Variants in PUDP observed in about 807,000 individuals in gnomAD.
PUDP encodes pseudouridine-5'-phosphatase.
In PUDP, 8 loss-of-function variants were observed where a neutral mutation model predicts 9.4. The observed-to-expected ratio is 0.85, with a 90% confidence interval of 0.50 to 1.53. PUDP has a LOEUF of 1.53. PUDP is among the 40% of genes most tolerant of loss of function. PUDP has a pLI of 0.00. For synonymous variants in PUDP, 99 were observed against 80.7 expected (o/e 1.23, Z -1.22); for missense variants, 188 against 189.7 (o/e 0.99, Z 0.05).
chrX:7,102,568 G>T (rs965693682), intron 2 of PUDP, among the ~76,000 whole-genome samples: 1 of 110,418 alleles, frequency 9.1e-6, no homozygotes, highest in Non-Finnish European at 1.9e-5. Flanking sequence ...TATAATAATG[G>T]AAGTCTCAGC....
intron 3 of PUDP, among the ~76,000 whole-genome samples, chrX:6,770,582 T>C (rs11798017): frequency 0.18 from 19,760 of 110,625 alleles, 1,802 homozygotes; most frequent in African/African-American, 0.34. Context: ...ATCACACAGC[T>C]GCACATTCTC....
chrX:6,940,001 C>T (rs960911631), intron 3 of PUDP, among the ~76,000 whole-genome samples: 7 of 112,894 alleles, frequency 6.2e-5, no homozygotes, highest in African/African-American at 2.2e-4. Flanking sequence ...TTTCTGTTGG[C>T]ATCATTCCTT....
At chrX:7,055,394 G>A (rs1930211485) in intron 3 of PUDP, among the ~76,000 whole-genome samples, 1 of 110,669 alleles carries the variant, frequency 9.0e-6, no homozygotes, top group Non-Finnish European at 1.9e-5. Context: ...TGGGATTACA[G>A]GCATGCACCA....
At chrX:7,117,157 C>A in intron 1 of PUDP, 1 of 982,888 alleles carries the variant, frequency 1.0e-6, no homozygotes, top group Admixed American at 3.2e-5. Context: ...CGTGTTGCTA[C>A]AAGGATACCT....
intron 3 of PUDP, among the ~76,000 whole-genome samples, chrX:6,921,716 CCT>C (rs1424921089): frequency 9.1e-6 from 1 of 109,830 alleles, no homozygotes; most frequent in Non-Finnish European, 1.9e-5. Flanking sequence ...ATTTTTCTAC[CCT>C]CTCTGCCGAC....
intron 2 of PUDP, among the ~76,000 whole-genome samples, chrX:7,093,333 T>G (rs1285951499): frequency 1.8e-5 from 2 of 112,226 alleles, no homozygotes; most frequent in Non-Finnish European, 3.8e-5. Flanking sequence ...CAACTTTCCA[T>G]GCCCAAGTAA....
intron 1 of PUDP, among the ~76,000 whole-genome samples, chrX:7,135,179 T>A (rs1268289045): frequency 9.0e-6 from 1 of 111,530 alleles, no homozygotes; most frequent in South Asian, 3.8e-4. Flanking sequence ...ACAGACCCAG[T>A]AGGCAGAAGT....
intron 3 of PUDP, among the ~76,000 whole-genome samples, chrX:6,858,419 C>T (rs1188939287): frequency 1.9e-5 from 2 of 103,542 alleles, no homozygotes; most frequent in Non-Finnish European, 3.9e-5. Flanking sequence ...AGCCTCGAAT[C>T]TCTGGGCTCA....
chrX:6,969,402 T>A (rs980957671), intron 3 of PUDP, among the ~76,000 whole-genome samples: 5 of 111,654 alleles, frequency 4.5e-5, no homozygotes, highest in African/African-American at 1.6e-4. Flanking sequence ...TGTGAAGAAA[T>A]GTTCCCACAT....
At chrX:6,815,172 T>TG (rs1555911571) in intron 3 of PUDP, among the ~76,000 whole-genome samples, 44 of 75,285 alleles carry the variant, frequency 5.8e-4, no homozygotes, top group African/African-American at 2.4e-3. Context: ...TTATTGAAAA[T>TG]GAAAAAAAAA....
intron 3 of PUDP, among the ~76,000 whole-genome samples, chrX:7,069,932 T>C (rs1930677523): frequency 8.9e-6 from 1 of 112,679 alleles, no homozygotes. Flanking sequence ...TGTGTCCTTC[T>C]GCCTCTCTCC....
At chrX:6,860,481 T>G (rs1166549073) in intron 3 of PUDP, among the ~76,000 whole-genome samples, 4 of 104,873 alleles carry the variant, frequency 3.8e-5, no homozygotes, top group African/African-American at 1.4e-4. Flanking sequence ...TTTTGTTTTT[T>G]GTTTTTTGAG....
chrX:6,939,369 TTAA>T (rs1242582708), intron 3 of PUDP, among the ~76,000 whole-genome samples: 1 of 106,734 alleles, frequency 9.4e-6, no homozygotes, highest in Non-Finnish European at 1.9e-5. Context: ...TAATGCTATA[TTAA>T]TATTATTAAT....
At chrX:6,916,248 A>C (rs191136671) in intron 3 of PUDP, among the ~76,000 whole-genome samples, 1,793 of 80,524 alleles carry the variant, frequency 0.022, 39 homozygotes, top group African/African-American at 0.083. Context: ...ACACACACAC[A>C]CCCTGGGGAA....
intron 2 of PUDP, among the ~76,000 whole-genome samples, chrX:7,080,833 C>T (rs5978244): frequency 0.33 from 35,350 of 106,358 alleles, 4,689 homozygotes; most frequent in Middle Eastern, 0.47. Context: ...GCAGGAGAAT[C>T]GCTTGAACCT....
chrX:6,990,844 G>A (rs1024939475), intron 1 of PUDP, among the ~76,000 whole-genome samples: 1 of 112,673 alleles, frequency 8.9e-6, no homozygotes, highest in Non-Finnish European at 1.9e-5. Context: ...GTGTGAGGTG[G>A]TGTCAGGCTA....
intron 2 of PUDP, among the ~76,000 whole-genome samples, chrX:7,094,632 T>C (rs1346600777): frequency 9.0e-6 from 1 of 111,244 alleles, no homozygotes; most frequent in Non-Finnish European, 1.9e-5. Context: ...AGTGCTGGGA[T>C]TACAGGCATG....
chrX:6,858,752 G>A (rs916961047), intron 3 of PUDP, among the ~76,000 whole-genome samples: 3 of 112,167 alleles, frequency 2.7e-5, no homozygotes, highest in Non-Finnish European at 5.6e-5. Flanking sequence ...ACAAAGTGCA[G>A]GTGGCCTGGA....
chrX:7,002,745 A>G (rs1337010492), intron 1 of PUDP, among the ~76,000 whole-genome samples: 1 of 111,352 alleles, frequency 9.0e-6, no homozygotes, highest in Non-Finnish European at 1.9e-5. Flanking sequence ...GGATCAATCC[A>G]CATTTCCTAA....
Sources: allele counts gnomAD v4.1 joint callset (sites outside exome capture counted in the v4.1 genomes callset), GRCh38; gene constraint gnomAD v4.1.1; transcripts MANE v1.5; gene names NCBI Gene and HGNC (gene_info 2026-07-23, HGNC 2026-07-21).